SNTG1: variants seen among roughly 807,000 people sequenced by gnomAD.
SNTG1 encodes the protein syntrophin gamma 1, also known as gamma-1-syntrophin.
Under a neutral mutation model 74.7 loss-of-function variants are expected in SNTG1, and 39 were observed. The ratio of observed to expected loss-of-function variants is 0.52; its 90% CI spans 0.40 to 0.68. The LOEUF (loss-of-function observed/expected upper bound fraction) is 0.68. Ranked by LOEUF, SNTG1 falls within the 30% of genes least tolerant of loss-of-function variation. The pLI is 0.00. For missense variants in SNTG1, 685 were observed against 609.5 expected (o/e 1.12, Z -1.30); for synonymous variants, 254 against 217.1 (o/e 1.17, Z -1.49).
chr8:49,933,826 A>G lies in SNTG1; in HGVS notation c.-103+21595A>G, dbSNP rs1458533076. ...CAACCTGTTTGATGCTTATTAATTCATGTGATGCATATTTATTGGTAACCT... is the reference window on the plus strand; with the variant it reads ...CAACCTGTTTGATGCTTATTAATTCGTGTGATGCATATTTATTGGTAACCT... On this transcript the variant is annotated intron_variant, in intron 1 of 18. Coordinates refer to ENST00000642720, the MANE Select transcript of SNTG1 (RefSeq NM_018967.5). 3.3e-5 allele frequency among the ~76,000 whole-genome samples: 5 copies of G among 152,144 alleles called. 1 individual carries two copies. The East Asian group carries it at 9.6e-4, about 29-fold the overall frequency.
rs1233558849 is a variant in SNTG1 at position 50,530,252 on chromosome 8, A to T, written c.542A>T (p.Asn181Ile). The part of the protein sequence containing the change: ...DSGLHLNYHP[N>I]NTDTLSCSSW... ...GGCTTACATCTCAACTACCATCCCAACAATACAGTAAGATGACCCAGGCAT... is the reference window on the plus strand; with the variant it reads ...GGCTTACATCTCAACTACCATCCCATCAATACAGTAAGATGACCCAGGCAT... The change falls in exon 10 of 19, where the codon AAC (asparagine) becomes ATC (isoleucine). Residue 181 changes from asparagine (N) to isoleucine (I), a missense_variant. By Grantham distance (149) the Asn-to-Ile change is moderately radical. Transcript: ENST00000642720. 1 of 1,613,710 alleles carries T rather than the reference A, an allele frequency of 6.2e-7. No homozygotes were observed. Among genetic ancestry groups the T allele is most frequent in the South Asian group, 1.1e-5 (1 of 91,084 alleles).
At chr8:50,427,839 C>A (rs111733880) in intron 4 of SNTG1, among the ~76,000 whole-genome samples, 1 of 152,184 alleles carries the variant, frequency 6.6e-6, no homozygotes, top group Non-Finnish European at 1.5e-5. Flanking sequence ...AAATACAATT[C>A]ATTAGATGAT....
chr8:49,971,437 C>G (rs1267966354), intron 1 of SNTG1, among the ~76,000 whole-genome samples: 1 of 152,094 alleles, frequency 6.6e-6, no homozygotes, highest in African/African-American at 2.4e-5. Context: ...ACTGGGAGCA[C>G]TCCCTTTCAA....
At chr8:50,289,297 C>T (rs1273803024) in intron 2 of SNTG1, among the ~76,000 whole-genome samples, 1 of 152,150 alleles carries the variant, frequency 6.6e-6, no homozygotes, top group Non-Finnish European at 1.5e-5. Flanking sequence ...ACTGATCTTA[C>T]AGTATCATTT....
At chr8:49,983,795 T>C (rs1225109954) in intron 1 of SNTG1, among the ~76,000 whole-genome samples, 1 of 152,244 alleles carries the variant, frequency 6.6e-6, no homozygotes, top group Non-Finnish European at 1.5e-5. Flanking sequence ...TGAATTCTTG[T>C]CTTGCCCCCG....
chr8:49,977,170 C>T (rs1187506641), intron 1 of SNTG1, among the ~76,000 whole-genome samples: 1 of 152,054 alleles, frequency 6.6e-6, no homozygotes, highest in East Asian at 1.9e-4. Flanking sequence ...GGATGAATGA[C>T]AAGTCCTCTC....
chr8:50,384,222 T>C (rs980033604), intron 2 of SNTG1, among the ~76,000 whole-genome samples: 5 of 152,144 alleles, frequency 3.3e-5, no homozygotes, highest in African/African-American at 9.6e-5. Context: ...ATTGCACTGC[T>C]CTATCAAGCC....
At chr8:50,677,633 T>C (rs960705112) in intron 15 of SNTG1, among the ~76,000 whole-genome samples, 1 of 152,028 alleles carries the variant, frequency 6.6e-6, no homozygotes, top group African/African-American at 2.4e-5. Context: ...TAGTATATGA[T>C]TGTAAAACTG....
chr8:50,057,685 C>A (rs111361090), intron 1 of SNTG1, among the ~76,000 whole-genome samples: 6 of 152,082 alleles, frequency 3.9e-5, no homozygotes, highest in Non-Finnish European at 5.9e-5. Context: ...GAAGTGTCAT[C>A]GGAAGCTTCT....
intron 13 of SNTG1, among the ~76,000 whole-genome samples, chr8:50,651,313 AG>A (rs2095144248): frequency 6.6e-6 from 1 of 151,258 alleles, no homozygotes; most frequent in African/African-American, 2.4e-5. Context: ...TTCTTGATCT[AG>A]ATTCCTGGAT....
intron 5 of SNTG1, 45 bp from the exon 6 acceptor site, chr8:50,449,623 T>A (rs772124637): frequency 2.9e-6 from 4 of 1,387,072 alleles, no homozygotes; most frequent in African/African-American, 1.5e-5. Flanking sequence ...AAAAGCAGCA[T>A]TTTTTTTAGA....
chr8:50,109,239 C>T (rs547417965), intron 1 of SNTG1, among the ~76,000 whole-genome samples: 2 of 152,292 alleles, frequency 1.3e-5, no homozygotes, highest in South Asian at 4.1e-4. Flanking sequence ...ACAGGACAGC[C>T]TGACTCTCTT....
chr8:50,176,105 A>G (rs10957802), intron 2 of SNTG1, among the ~76,000 whole-genome samples: 23,716 of 152,070 alleles, frequency 0.16, 2,266 homozygotes, highest in Middle Eastern at 0.29. Context: ...AAAACACTTA[A>G]CATTTTAATA....
rs112534043 is a variant in SNTG1, at chr8:49,928,385, C to A, written c.-103+16154C>A. On this transcript the variant is annotated intron_variant, in intron 1 of 18. Coordinates refer to ENST00000642720, the MANE Select transcript of SNTG1 (RefSeq NM_018967.5). Reference sequence around the variant, plus strand: ...AGCTGGAACTACAGGCACTCACCACCGTGCCCAGCCAATTTTTTTATTTTT... The same window carrying A: ...AGCTGGAACTACAGGCACTCACCACAGTGCCCAGCCAATTTTTTTATTTTT... Among the ~76,000 whole-genome samples the A allele has an allele frequency of 8.9e-4, 135 of 151,884 alleles. 1 individual carries two copies. Among genetic ancestry groups the A allele is most frequent in the African/African-American group, 3.2e-3 (131 of 41,470 alleles).
At position 50,228,665 on chromosome 8, in the gene SNTG1, G is replaced by A. The variant is rs574894368; in HGVS notation, c.-28+56030G>A. Among the ~76,000 whole-genome samples, 7 of 151,888 alleles carry A rather than the reference G, an allele frequency of 4.6e-5. No individual in the cohort carries two copies. In the South Asian group the frequency reaches 6.2e-4, roughly 13 times the overall value. On this transcript the variant is annotated intron_variant, in intron 2 of 18. Transcript: ENST00000642720. Reference sequence around the variant, plus strand: ...AGGAAAAAAATTACACTGACTTACCGTTCTCTATGTTCTGCAAAACTATCC... The same window carrying A: ...AGGAAAAAAATTACACTGACTTACCATTCTCTATGTTCTGCAAAACTATCC...
chr8:50,429,773 G>A (rs941531156), intron 4 of SNTG1, among the ~76,000 whole-genome samples: 1 of 152,050 alleles, frequency 6.6e-6, no homozygotes, highest in Non-Finnish European at 1.5e-5. Flanking sequence ...AGTGTAAAAA[G>A]TTCTCGCAAC....
In SNTG1 at chr8:50,734,740, G is replaced by T. The variant is rs916391284; in HGVS notation, c.1285-17261G>T. Among the ~76,000 whole-genome samples, 23 of 83,492 alleles carry T rather than the reference G, an allele frequency of 2.8e-4. 1 individual carries two copies. The highest frequency in any genetic ancestry group is 2.5e-3 in the South Asian group (6 of 2,370). The allele number at this position is 83,492 out of a possible 152,430, so 54.8% of individuals were successfully genotyped here. A position where few individuals can be genotyped will look rare whatever the true frequency, so the allele number is the denominator to read the frequency against. Reference sequence around the variant, plus strand: ...TGGACATTATATATCTATATATATGGACATGTATATAGATATCTATATATA... The same window carrying T: ...TGGACATTATATATCTATATATATGTACATGTATATAGATATCTATATATA... On this transcript the variant is annotated intron_variant, in intron 17 of 18. Transcript: ENST00000642720.
chr8:50,608,848 T>C (rs769322818), intron 13 of SNTG1, among the ~76,000 whole-genome samples: 13 of 152,008 alleles, frequency 8.6e-5, no homozygotes, highest in Non-Finnish European at 1.9e-4. Flanking sequence ...ATTTGTCTGT[T>C]GATTTTTTAA....
intron 11 of SNTG1, among the ~76,000 whole-genome samples, chr8:50,549,276 C>T (rs1413766699): frequency 6.6e-6 from 1 of 152,096 alleles, no homozygotes; most frequent in Admixed American, 6.6e-5. Context: ...ACAGCTCAGG[C>T]CTGCTATGTG....
Sources: allele counts gnomAD v4.1 joint callset (sites outside exome capture counted in the v4.1 genomes callset), GRCh38; gene constraint gnomAD v4.1.1; transcripts MANE v1.5; gene names NCBI Gene and HGNC (gene_info 2026-07-23, HGNC 2026-07-21).